RBFOX1: variants seen among roughly 807,000 people sequenced by gnomAD.
RBFOX1 encodes RNA binding protein fox-1 homolog 1.
RBFOX1 carries 8 observed loss-of-function variants against 57.7 expected under a neutral mutation model. That is an observed-to-expected ratio of 0.14 (90% CI 0.08 to 0.25). The LOEUF is 0.25. RBFOX1 is among the 10% of genes least tolerant of loss of function. The pLI, the probability that RBFOX1 is intolerant of heterozygous loss-of-function variation, is 1.00. For missense variants in RBFOX1, 611 were observed against 548.5 expected (o/e 1.11, Z -1.14); for synonymous variants, 326 against 222.4 (o/e 1.47, Z -4.15).
intron 4 of RBFOX1, among the ~76,000 whole-genome samples, chr16:7,479,539 C>G (rs1238873474): frequency 6.6e-6 from 1 of 152,168 alleles, no homozygotes; most frequent in African/African-American, 2.4e-5. Flanking sequence ...ACTCAAGAGC[C>G]TGCCTTTTCC....
At chr16:7,683,499 A>C (rs1430154098) in intron 14 of RBFOX1, among the ~76,000 whole-genome samples, 1 of 152,102 alleles carries the variant, frequency 6.6e-6, no homozygotes, top group East Asian at 1.9e-4. Context: ...TGTAACAGTC[A>C]ACAGACTGGA....
intron 14 of RBFOX1, among the ~76,000 whole-genome samples, chr16:7,680,234 T>G (rs1056386239): frequency 6.6e-6 from 1 of 152,182 alleles, no homozygotes; most frequent in Non-Finnish European, 1.5e-5. Context: ...TATTATGACT[T>G]GGTTGTTGTT....
intron 1 of RBFOX1, among the ~76,000 whole-genome samples, chr16:6,300,360 T>C (rs1228861643): frequency 6.6e-6 from 1 of 152,190 alleles, no homozygotes; most frequent in African/African-American, 2.4e-5. Context: ...AGTATACACA[T>C]GTTAATTAGC....
chr16:6,962,498 C>G (rs919383539), intron 3 of RBFOX1, among the ~76,000 whole-genome samples: 4 of 152,296 alleles, frequency 2.6e-5, no homozygotes, highest in Middle Eastern at 3.4e-3. Flanking sequence ...CAGTGTGTCC[C>G]TGGCATCCTT....
At chr16:6,716,995 A>G (rs2064960906) in intron 3 of RBFOX1, among the ~76,000 whole-genome samples, 2 of 152,108 alleles carry the variant, frequency 1.3e-5, no homozygotes, top group African/African-American at 2.4e-5. Flanking sequence ...ATAAGAAGAG[A>G]CAGAAGAGCT....
At chr16:6,718,923 C>G (rs2065374763) in intron 3 of RBFOX1, among the ~76,000 whole-genome samples, 1 of 152,016 alleles carries the variant, frequency 6.6e-6, no homozygotes, top group African/African-American at 2.4e-5. Context: ...AGTGCAGTGG[C>G]ATGATCTCAG....
intron 4 of RBFOX1, among the ~76,000 whole-genome samples, chr16:7,170,765 G>C (rs1230173555): frequency 6.6e-6 from 1 of 152,134 alleles, no homozygotes. Flanking sequence ...TTCATGAGCA[G>C]CTACAGTCTT....
At chr16:5,717,475 C>T (rs1320605851) in intron 3 of RBFOX1, among the ~76,000 whole-genome samples, 1 of 152,122 alleles carries the variant, frequency 6.6e-6, no homozygotes, top group Non-Finnish European at 1.5e-5. Flanking sequence ...GCACTGTATC[C>T]AATATGTAGT....
At chr16:7,073,725 C>T (rs1043723377) in intron 4 of RBFOX1, among the ~76,000 whole-genome samples, 13 of 151,914 alleles carry the variant, frequency 8.6e-5, no homozygotes, top group South Asian at 4.2e-4. Context: ...TACACAGGAA[C>T]GGTGGCACAT....
chr16:7,653,735 T>G (rs1488208845), intron 11 of RBFOX1, 80 bp from the exon 12 acceptor site: 4 of 1,582,130 alleles, frequency 2.5e-6, no homozygotes, highest in Non-Finnish European at 1.7e-6. Context: ...GGGACAAGGG[T>G]TCCCGGGGCA....
At chr16:6,978,254 TG>T (rs2087660404) in intron 3 of RBFOX1, among the ~76,000 whole-genome samples, 1 of 152,146 alleles carries the variant, frequency 6.6e-6, no homozygotes, top group Admixed American at 6.5e-5. Context: ...TTGGAGAGCG[TG>T]GCTTTGTACT....
intron 3 of RBFOX1, among the ~76,000 whole-genome samples, chr16:5,832,038 C>T (rs1164082706): frequency 2.0e-5 from 3 of 152,060 alleles, no homozygotes; most frequent in African/African-American, 4.8e-5. Context: ...GAAGGAAGAC[C>T]CCAGTCAGCA....
intron 4 of RBFOX1, among the ~76,000 whole-genome samples, chr16:7,431,695 C>T (rs1190393366): frequency 6.6e-6 from 1 of 152,126 alleles, no homozygotes; most frequent in African/African-American, 2.4e-5. Context: ...TTAAGCTGTC[C>T]CTCTCCATTC....
chr16:6,607,146 C>A (rs547892829), intron 2 of RBFOX1, among the ~76,000 whole-genome samples: 1 of 152,178 alleles, frequency 6.6e-6, no homozygotes, highest in Non-Finnish European at 1.5e-5. Flanking sequence ...TGCATTTTAG[C>A]AAGCTTCCTA....
At chr16:6,929,654 G>T (rs1297606577) in intron 3 of RBFOX1, among the ~76,000 whole-genome samples, 1 of 152,134 alleles carries the variant, frequency 6.6e-6, no homozygotes, top group Non-Finnish European at 1.5e-5. Context: ...GATTCTCAGA[G>T]TTATATCCAG....
At chr16:7,497,706 C>A (rs192741833) in intron 4 of RBFOX1, among the ~76,000 whole-genome samples, 1 of 152,328 alleles carries the variant, frequency 6.6e-6, no homozygotes, top group East Asian at 1.9e-4. Flanking sequence ...GCAAGATATC[C>A]TTCCATGTGT....
chr16:7,557,859 A>G (rs1466483724), intron 5 of RBFOX1, among the ~76,000 whole-genome samples: 1 of 152,016 alleles, frequency 6.6e-6, no homozygotes, highest in Non-Finnish European at 1.5e-5. Context: ...AAATACTCCC[A>G]TCATGGCCAT....
At chr16:6,327,957 A>G (rs551525589) in intron 2 of RBFOX1, among the ~76,000 whole-genome samples, 1 of 152,304 alleles carries the variant, frequency 6.6e-6, no homozygotes, top group African/African-American at 2.4e-5. Flanking sequence ...CACTCAGAAG[A>G]CAGCTTCTGA....
At chr16:5,277,694 G>C (rs1257540289) in intron 1 of RBFOX1, among the ~76,000 whole-genome samples, 1 of 152,050 alleles carries the variant, frequency 6.6e-6, no homozygotes, top group Admixed American at 6.6e-5. Flanking sequence ...CTGATACATG[G>C]CCCCCACTTT....
Sources: gnomAD v4.1 joint callset for allele counts (sites outside exome capture counted in the v4.1 genomes callset) on GRCh38, gnomAD v4.1.1 for gene constraint, MANE v1.5 for transcripts, NCBI Gene and HGNC (gene_info 2026-07-23, HGNC 2026-07-21) for gene names.